Variants in DYNC2H1 observed in about 807,000 individuals in gnomAD.
The protein encoded by DYNC2H1 is cytoplasmic dynein 2 heavy chain 1.
A neutral mutation model predicts 570.0 loss-of-function variants in DYNC2H1; 410 were observed. The observed-to-expected ratio is 0.72, with a 90% CI of 0.66 to 0.78. DYNC2H1 has a LOEUF of 0.78. Ranked by LOEUF, DYNC2H1 falls within the 30% of genes least tolerant of loss-of-function variation. The pLI is 0.00. For synonymous variants in DYNC2H1, 1,688 were observed against 1,677.6 expected (o/e 1.01, Z -0.15); for missense variants, 4,865 against 5,046.4 (o/e 0.96, Z 1.09).
At chr11:103,154,384 T>C in intron 22 of DYNC2H1, 67 bp from the exon 23 acceptor site, 1 of 1,388,816 alleles carries the variant, frequency 7.2e-7, no homozygotes, top group Non-Finnish European at 9.6e-7. Flanking sequence ...TTAAGTAACT[T>C]AATGATACTT....
chr11:103,257,735 C>T lies in DYNC2H1; in HGVS notation c.10589C>T (p.Ala3530Val), dbSNP rs765568845. Residue 3530 changes from alanine to valine, a missense_variant, in exon 69 of 89, where the codon GCT (alanine) becomes GTT (valine). Coordinates refer to ENST00000375735, the MANE Select transcript of DYNC2H1 (RefSeq NM_001377.3). ...GCTTTTCTCCGACTTTTCCAACGAG[C>T]TCTACAAAACAAACAGGTAAGCTGT... Reference protein sequence around the residue: ...LAAFLRLFQRALQNKQDSENT... With the variant: ...LAAFLRLFQRVLQNKQDSENT... 1.3e-5 allele frequency: 20 copies of T among 1,593,124 alleles called. No individual in the cohort carries two copies. The East Asian group carries it at 3.6e-4, about 29-fold the overall frequency.
intron 17 of DYNC2H1, among the ~76,000 whole-genome samples, chr11:103,141,942 C>A (rs554053880): frequency 6.6e-6 from 1 of 152,324 alleles, no homozygotes; most frequent in South Asian, 2.1e-4. Flanking sequence ...CTCGCTGCCA[C>A]CTTGCAGTTT....
rs1338657840 is a variant in DYNC2H1, at chr11:103,395,853, A to C, written c.12157-3810A>C. Among the ~76,000 whole-genome samples the C allele has an allele frequency of 1.3e-5, 2 of 152,186 alleles. No individual in the cohort carries two copies. On this transcript the variant is annotated intron_variant, in intron 83 of 88. Coordinates refer to ENST00000375735, the MANE Select transcript of DYNC2H1 (RefSeq NM_001377.3). This position sits in a 1 kb window ranked among gnomAD's most constrained non-coding sequence, Gnocchi z 4.3. ...AAAGGCTTCTGCCCAGACGATAGGA[A>C]ATGATTATCTAAAGAGGAATGAAGG...
At chr11:103,304,534 T>A in intron 76 of DYNC2H1, 61 bp from the exon 77 acceptor site, 1 of 1,554,472 alleles carries the variant, frequency 6.4e-7, no homozygotes, top group Admixed American at 1.9e-5. Flanking sequence ...TCTCATACTG[T>A]TATATTACAA....
chr11:103,448,125 G>A (rs910383369), intron 85 of DYNC2H1, among the ~76,000 whole-genome samples: 1 of 152,034 alleles, frequency 6.6e-6, no homozygotes, highest in Admixed American at 6.6e-5. Flanking sequence ...AGGATTAAAG[G>A]GGGAAGAAAA....
chr11:103,223,546 C>A (rs1419255185), intron 59 of DYNC2H1, among the ~76,000 whole-genome samples: 2 of 140,884 alleles, frequency 1.4e-5, no homozygotes, highest in African/African-American at 5.4e-5. Flanking sequence ...TGCCACCACG[C>A]CCGGTTAATT....
At chr11:103,202,476 CT>C (rs1387679255) in intron 50 of DYNC2H1, among the ~76,000 whole-genome samples, 1 of 151,880 alleles carries the variant, frequency 6.6e-6, no homozygotes, top group Non-Finnish European at 1.5e-5. Context: ...ATTTCAAATT[CT>C]TATTCCCTAA....
intron 50 of DYNC2H1, among the ~76,000 whole-genome samples, chr11:103,202,629 G>T (rs1249782843): frequency 7.9e-5 from 12 of 151,954 alleles, no homozygotes; most frequent in Admixed American, 7.9e-4. Context: ...TGTGGGGTGG[G>T]GGTGGTCTGG....
rs1039438881 is a variant in DYNC2H1 at position 103,239,026 on chromosome 11, A to C, written c.9819+2487A>C. On this transcript the variant is annotated intron_variant, in intron 63 of 88. Transcript: ENST00000375735. The surrounding 1 kb of genome is among the most constrained non-coding windows in gnomAD (Gnocchi z 4.3). ...CTAATATTGGTCAACTCAGTGGATA[A>C]TGGAAAGTATAATAAGGCTGTTAGA... Among the ~76,000 whole-genome samples, 5 of 152,216 alleles carry C rather than the reference A, an allele frequency of 3.3e-5. No homozygotes were observed. In the South Asian group the frequency reaches 1.0e-3, roughly 32 times the overall value.
At chr11:103,340,539 A>C (rs772713700) in intron 82 of DYNC2H1, among the ~76,000 whole-genome samples, 5 of 152,160 alleles carry the variant, frequency 3.3e-5, no homozygotes, top group Non-Finnish European at 5.9e-5. Context: ...TATTGGGTAA[A>C]AATAATTAGG....
At chr11:103,232,696 T>A (rs1864064384) in intron 60 of DYNC2H1, among the ~76,000 whole-genome samples, 1 of 152,038 alleles carries the variant, frequency 6.6e-6, no homozygotes, top group Non-Finnish European at 1.5e-5. Context: ...TTTACAAAAT[T>A]AAAGAGATGG....
intron 70 of DYNC2H1, among the ~76,000 whole-genome samples, chr11:103,279,698 T>C (rs545747446): frequency 1.3e-5 from 2 of 152,336 alleles, no homozygotes; most frequent in African/African-American, 4.8e-5. Flanking sequence ...ATTGACAGCC[T>C]GTTTTTGGTT....
chr11:103,432,336 TGTTGA>T (rs760231841), intron 84 of DYNC2H1, among the ~76,000 whole-genome samples: 9 of 152,206 alleles, frequency 5.9e-5, no homozygotes, highest in Non-Finnish European at 1.2e-4. Flanking sequence ...GAATGGCCGA[TGTTGA>T]GTTCTTCTGC....
intron 84 of DYNC2H1, chr11:103,403,317 G>A: frequency 6.6e-6 from 1 of 151,944 alleles, no homozygotes. Context: ...TGTGTAGGGG[G>A]TGTGTAATAA....
chr11:103,166,798 C>T (rs1861323882), intron 31 of DYNC2H1, among the ~76,000 whole-genome samples: 1 of 151,898 alleles, frequency 6.6e-6, no homozygotes. Context: ...ATAGACACAT[C>T]TTTGCATTTA....
chr11:103,351,671 A>T (rs942012613), intron 82 of DYNC2H1, among the ~76,000 whole-genome samples: 1 of 152,196 alleles, frequency 6.6e-6, no homozygotes. Context: ...CATCCTGTAT[A>T]TCTTTTTAAA....
chr11:103,202,170 T>C (rs1862744849), intron 50 of DYNC2H1, among the ~76,000 whole-genome samples: 2 of 152,178 alleles, frequency 1.3e-5, no homozygotes, highest in Admixed American at 1.3e-4. Context: ...GTGAAAGTAG[T>C]AGTACTTGAG....
chr11:103,122,487 A>T (rs780272825), intron 10 of DYNC2H1, among the ~76,000 whole-genome samples: 5 of 152,212 alleles, frequency 3.3e-5, no homozygotes, highest in Non-Finnish European at 7.3e-5. Flanking sequence ...TTATTACTGA[A>T]CATGTTTAGC....
In DYNC2H1 at chr11:103,268,364, C is replaced by T; in HGVS notation, c.10695+8387C>T. On this transcript the variant is annotated intron_variant, in intron 70 of 88. Transcript: ENST00000375735. The surrounding 1 kb of genome is among the most constrained non-coding windows in gnomAD (Gnocchi z 4.6). ...TCTTCCCTTACCTTGTCATATTCAT[C>T]TGTTTTCTTGATATTTTAAATAAGC... Among the ~76,000 whole-genome samples the T allele has an allele frequency of 6.6e-6, 1 of 151,864 alleles. No homozygotes were observed. Among genetic ancestry groups the T allele is most frequent in the Non-Finnish European group, 1.5e-5 (1 of 67,866 alleles).
Sources: gnomAD v4.1 joint callset for allele counts (sites outside exome capture counted in the v4.1 genomes callset) on GRCh38, gnomAD v4.1.1 for gene constraint, Gnocchi (gnomAD v3.1) non-coding constraint, MANE v1.5 for transcripts, NCBI Gene and HGNC (gene_info 2026-07-23, HGNC 2026-07-21) for gene names.